Variants in TXK observed in about 807,000 individuals in gnomAD.
The protein encoded by TXK is TXK tyrosine kinase.
In TXK, 60 loss-of-function variants were observed where a neutral mutation model predicts 81.0. The ratio of observed to expected loss-of-function variants is 0.74; its 90% CI spans 0.60 to 0.92. The LOEUF is 0.92. TXK is among the 40% of genes least tolerant of loss of function. The probability of loss-of-function intolerance (pLI) is 0.00; values close to 1 mark genes in which losing one functional copy is unlikely to be tolerated. For synonymous variants in TXK, 203 were observed against 210.7 expected, an observed-to-expected ratio of 0.96 and a Z score of 0.32; for missense variants, 581 against 638.3, an observed-to-expected ratio of 0.91 and a Z score of 0.97.
At chr4:48,123,264 G>A (rs1460861457) in intron 1 of TXK, among the ~76,000 whole-genome samples, 3 of 152,146 alleles carry the variant, frequency 2.0e-5, no homozygotes, top group African/African-American at 2.4e-5. Flanking sequence ...ATGATTGATA[G>A]CTTTCTACAT....
intron 1 of TXK, among the ~76,000 whole-genome samples, chr4:48,129,207 C>CGCA: frequency 6.6e-6 from 1 of 152,280 alleles, no homozygotes. Context: ...TGTCTGTGTT[C>CGCA]GCACGTGTGT....
chr4:48,067,474 C>T lies in TXK; in HGVS notation c.*163G>A. On this transcript the variant is annotated 3_prime_UTR_variant, in exon 15 of 15. Coordinates refer to ENST00000264316, the MANE Select transcript of TXK (RefSeq NM_003328.3). ...ATAGAAAAACGATTGTGTGAATATTCTTAAATTTTTAAAACTTTTAAAAAC... is the reference window on the plus strand; with the variant it reads ...ATAGAAAAACGATTGTGTGAATATTTTTAAATTTTTAAAACTTTTAAAAAC... The T allele has an allele frequency of 5.7e-6, 4 of 707,188 alleles. No individual in the cohort carries two copies. The highest frequency in any genetic ancestry group is 7.2e-6 in the Non-Finnish European group (3 of 419,312). 43.8% of individuals were successfully genotyped at this position (707,188 alleles called of 1,614,324 possible).
At chr4:48,131,597 C>T (rs1719249146) in intron 1 of TXK, among the ~76,000 whole-genome samples, 1 of 152,122 alleles carries the variant, frequency 6.6e-6, no homozygotes, top group Admixed American at 6.5e-5. Flanking sequence ...TGATTCTTAC[C>T]ATCAAATCAA....
At chr4:48,116,040 C>A (rs1275820863) in intron 1 of TXK, among the ~76,000 whole-genome samples, 1 of 152,178 alleles carries the variant, frequency 6.6e-6, no homozygotes, top group East Asian at 1.9e-4. Flanking sequence ...ACCTGGCTGA[C>A]TACATCTTGG....
intron 1 of TXK, among the ~76,000 whole-genome samples, chr4:48,130,487 C>T (rs1403732464): frequency 6.6e-6 from 1 of 152,104 alleles, no homozygotes; most frequent in Non-Finnish European, 1.5e-5. Context: ...ACAAAGCAGC[C>T]GGCGATGCAG....
chr4:48,126,007 T>G (rs1288141636), intron 1 of TXK, among the ~76,000 whole-genome samples: 5 of 152,240 alleles, frequency 3.3e-5, no homozygotes, highest in Non-Finnish European at 7.3e-5. Context: ...AAAAATTACC[T>G]TCACAGAAAC....
chr4:48,107,788 C>T (rs935464158), intron 5 of TXK, among the ~76,000 whole-genome samples: 1 of 151,406 alleles, frequency 6.6e-6, no homozygotes, highest in Admixed American at 6.6e-5. Flanking sequence ...ATGGGCCGGG[C>T]GCGGTGGCTC....
chr4:48,114,753 T>C (rs1029304161), intron 1 of TXK, among the ~76,000 whole-genome samples: 1 of 152,206 alleles, frequency 6.6e-6, no homozygotes, highest in African/African-American at 2.4e-5. Context: ...TCCTAGGAAA[T>C]CTGTTAGCAG....
At chr4:48,121,421 C>T (rs933658713) in intron 1 of TXK, among the ~76,000 whole-genome samples, 6 of 152,160 alleles carry the variant, frequency 3.9e-5, no homozygotes, top group Non-Finnish European at 4.4e-5. Flanking sequence ...CACACACAGG[C>T]CAATTTATCA....
intron 14 of TXK, among the ~76,000 whole-genome samples, chr4:48,070,043 T>C (rs1716776029): frequency 6.6e-6 from 1 of 152,242 alleles, no homozygotes; most frequent in Non-Finnish European, 1.5e-5. Context: ...TGTAATGCTT[T>C]TGGAATATGA....
chr4:48,071,517 C>T lies in TXK; in HGVS notation c.1515G>A (p.Glu505=). The change falls in exon 14 of 15, where the codon GAG becomes GAA. Residue 505 remains glutamate (E), a splice_region_variant and synonymous_variant. Coordinates refer to ENST00000264316, the MANE Select transcript of TXK (RefSeq NM_003328.3). ...TCATAGGAAAGTAACATATGCTTAC[C>T]TCATGCCAGCAGCTGTACATGACTT... ...IYEVMYSCWH[E]KPEGRPTFAE... is the part of the protein sequence containing the mutation. 1.2e-6 allele frequency: 2 copies of T among 1,612,442 alleles called. No individual in the cohort carries two copies. The highest frequency in any genetic ancestry group is 2.2e-5 in the South Asian group (2 of 90,618).
chr4:48,104,014 C>A (rs1372898493), intron 6 of TXK, among the ~76,000 whole-genome samples: 2 of 149,958 alleles, frequency 1.3e-5, no homozygotes, highest in Non-Finnish European at 2.9e-5. Context: ...ACCAGTTGGG[C>A]AGCATGGCAA....
At chr4:48,126,444 T>C (rs1719093114) in intron 1 of TXK, among the ~76,000 whole-genome samples, 1 of 152,230 alleles carries the variant, frequency 6.6e-6, no homozygotes, top group Non-Finnish European at 1.5e-5. Context: ...TATGAGTAGT[T>C]ACATTTTGGG....
chr4:48,127,132 T>G lies in TXK; in HGVS notation c.16+7023A>C, dbSNP rs2109486631. Among the ~76,000 whole-genome samples, 4 of 152,322 alleles carry G rather than the reference T, an allele frequency of 2.6e-5. No homozygotes were observed. The Middle Eastern group carries it at 0.014, about 518-fold the overall frequency. The stretch of plus-strand genomic sequence containing the variant: ...GGTGAGCAGGAAGGCAAACCACTGC[T>G]TTGTTTGTGGTTCCATCCTCTGCCC... On this transcript the variant is annotated intron_variant, in intron 1 of 14. Transcript: ENST00000264316.
intron 9 of TXK, among the ~76,000 whole-genome samples, chr4:48,087,849 T>C (rs868342756): frequency 2.8e-4 from 43 of 152,288 alleles, no homozygotes; most frequent in Middle Eastern, 3.4e-3. Flanking sequence ...TTATACTTCA[T>C]AAAACTTCTG....
intron 1 of TXK, among the ~76,000 whole-genome samples, chr4:48,116,627 C>A (rs1368240195): frequency 6.6e-6 from 1 of 152,168 alleles, no homozygotes; most frequent in South Asian, 2.1e-4. Flanking sequence ...TGGAAAAGAG[C>A]ATGTATCATC....
intron 6 of TXK, 143 bp downstream of exon 6, chr4:48,104,758 A>T: frequency 1.6e-6 from 1 of 611,692 alleles, no homozygotes; most frequent in Middle Eastern, 4.5e-4. Context: ...TCTGATTTAC[A>T]ACTTCACATA....
At chr4:48,070,859 G>C (rs553185026) in intron 14 of TXK, among the ~76,000 whole-genome samples, 2 of 141,186 alleles carry the variant, frequency 1.4e-5, no homozygotes, top group Non-Finnish European at 3.1e-5. Context: ...GGTTACAGGC[G>C]TGAGCCACCA....
At chr4:48,071,989 T>G (rs1184096120) in intron 13 of TXK, among the ~76,000 whole-genome samples, 2 of 148,866 alleles carry the variant, frequency 1.3e-5, no homozygotes, top group African/African-American at 4.9e-5. Flanking sequence ...GGTCTCGCTC[T>G]GTCGCCCGGG....
Sources: allele counts gnomAD v4.1 joint callset (sites outside exome capture counted in the v4.1 genomes callset), GRCh38; gene constraint gnomAD v4.1.1; transcripts MANE v1.5; gene names NCBI Gene and HGNC (gene_info 2026-07-23, HGNC 2026-07-21).